Variants in CDKN2B-AS1 observed in about 807,000 individuals in gnomAD.
CDKN2B-AS1 encodes CDKN2B antisense RNA 1 (non-protein coding).
intron 1 of CDKN2B-AS1, among the ~76,000 whole-genome samples, chr9:22,014,221 G>T (rs555889032): frequency 6.6e-6 from 1 of 152,116 alleles, no homozygotes; most frequent in South Asian, 2.1e-4. Flanking sequence ...GGAGTGCAGT[G>T]GTGTGATCAT....
intron 1 of CDKN2B-AS1, among the ~76,000 whole-genome samples, chr9:22,021,537 C>G (rs537704760): frequency 1.6e-4 from 25 of 152,260 alleles, no homozygotes; most frequent in African/African-American, 5.8e-4. Flanking sequence ...TTTCACAATA[C>G]TGATTCTTCC....
intron 4 of CDKN2B-AS1, chr9:22,111,987 C>T (rs1336600847): frequency 6.6e-6 from 1 of 152,140 alleles, no homozygotes; most frequent in Non-Finnish European, 1.5e-5. Context: ...CACAAGTGTC[C>T]TGGAGAAACT....
In CDKN2B-AS1 at chr9:22,052,093, A is replaced by G. The variant is rs187921840; in HGVS notation, n.302+2865A>G. Among the ~76,000 whole-genome samples the G allele has an allele frequency of 5.3e-4, 80 of 152,218 alleles. 1 individual carries two copies. Among genetic ancestry groups the G allele is most frequent in the African/African-American group, 1.8e-3 (73 of 41,532 alleles). On this transcript the variant is annotated intron_variant and non_coding_transcript_variant, in intron 3 of 4. Coordinates refer to ENST00000650946, the Ensembl canonical transcript of CDKN2B-AS1. ...CATTCTCATTTCTGACTTCCCTACA[A>G]CCTTGTATTAAGACCTTAATTGAAA...
intron 1 of CDKN2B-AS1, among the ~76,000 whole-genome samples, chr9:22,024,889 C>T (rs1266219345): frequency 1.3e-5 from 2 of 152,024 alleles, no homozygotes; most frequent in Non-Finnish European, 2.9e-5. Flanking sequence ...TTCTGTGGGC[C>T]ACCACAGCAC....
chr9:22,014,759 C>A (rs7042051), intron 1 of CDKN2B-AS1, among the ~76,000 whole-genome samples: 8 of 114,016 alleles, frequency 7.0e-5, no homozygotes, highest in African/African-American at 2.2e-4. Context: ...TCCCTCCCCC[C>A]TCCCCCCACC....
At chr9:22,009,263 C>A (rs1821369549) in intron 1 of CDKN2B-AS1, 2 of 525,934 alleles carry the variant, frequency 3.8e-6, no homozygotes, top group Non-Finnish European at 6.8e-6. Flanking sequence ...AGGGTGCGGA[C>A]GCGTCGCGGA....
At chr9:22,015,475 A>G (rs190187112) in intron 1 of CDKN2B-AS1, among the ~76,000 whole-genome samples, 105 of 152,232 alleles carry the variant, frequency 6.9e-4, no homozygotes, top group African/African-American at 2.5e-3. Flanking sequence ...ACTTTTTAAT[A>G]TAAATTTAAA....
chr9:22,099,512 T>C (rs1342693357), intron 4 of CDKN2B-AS1, among the ~76,000 whole-genome samples: 1 of 152,200 alleles, frequency 6.6e-6, no homozygotes, highest in Non-Finnish European at 1.5e-5. Context: ...CTTTTTTAGC[T>C]GGTCATTTCT....
chr9:22,014,768 C>T (rs1342826879), intron 1 of CDKN2B-AS1, among the ~76,000 whole-genome samples: 1 of 115,812 alleles, frequency 8.6e-6, no homozygotes, highest in Non-Finnish European at 1.7e-5. Flanking sequence ...CCTCCCCCCA[C>T]CCCACAACAG....
At position 22,005,819 on chromosome 9, in the gene CDKN2B-AS1, T is replaced by C. The variant is rs1821143733; in HGVS notation, n.29+10658T>C. On this transcript the variant is annotated intron_variant and non_coding_transcript_variant, in intron 1 of 4. Transcript: ENST00000650946. This position sits in a 1 kb window ranked among gnomAD's most constrained non-coding sequence, Gnocchi z 4.9. ...CAGATAAGACAAAGAAAAAAATGTA[T>C]GGAAGGTTATTCCCGGTCGGCTCCT... is the stretch of plus-strand genomic sequence containing the variant. 1.2e-6 allele frequency: 1 copy of C among 825,646 alleles called. No homozygotes were observed. The highest frequency in any genetic ancestry group is 2.7e-5 in the East Asian group (1 of 37,444). 51.1% of individuals were successfully genotyped at this position (825,646 alleles called of 1,614,324 possible). A position where few individuals can be genotyped will look rare whatever the true frequency, so the allele number is the denominator to read the frequency against.
At chr9:22,076,619 C>A (rs1665371026) in intron 4 of CDKN2B-AS1, among the ~76,000 whole-genome samples, 2 of 152,180 alleles carry the variant, frequency 1.3e-5, no homozygotes, top group South Asian at 4.1e-4. Context: ...CCACTCCAAA[C>A]CCCTCATTGC....
intron 4 of CDKN2B-AS1, chr9:22,096,503 T>C (rs1356995341): frequency 6.6e-6 from 1 of 152,174 alleles, no homozygotes; most frequent in African/African-American, 2.4e-5. Context: ...CTCAAATCCA[T>C]GATCTACATA....
intron 1 of CDKN2B-AS1, chr9:22,032,648 TTCTC>T (rs1017990321): frequency 2.6e-5 from 4 of 151,866 alleles, no homozygotes; most frequent in African/African-American, 7.2e-5. Context: ...TACACTCATT[TTCTC>T]TCTCTCTCTT....
At chr9:22,106,071 T>TG (rs1388478394) in intron 4 of CDKN2B-AS1, among the ~76,000 whole-genome samples, 1 of 151,596 alleles carries the variant, frequency 6.6e-6, no homozygotes, top group African/African-American at 2.4e-5. Context: ...CCACCACATC[T>TG]GGATAATTTT....
At chr9:22,091,295 G>C (rs1397930734) in intron 4 of CDKN2B-AS1, among the ~76,000 whole-genome samples, 2 of 152,160 alleles carry the variant, frequency 1.3e-5, no homozygotes, top group African/African-American at 4.8e-5. Context: ...GCTTAGGATT[G>C]ACTTGGCAAT....
At chr9:22,071,704 A>T (rs1339136450) in intron 4 of CDKN2B-AS1, among the ~76,000 whole-genome samples, 1 of 152,166 alleles carries the variant, frequency 6.6e-6, no homozygotes, top group Non-Finnish European at 1.5e-5. Context: ...TGTGGATTTT[A>T]TATACTGCTA....
Position 22,006,276 on chromosome 9 carries a change from C to T in CDKN2B-AS1, n.29+11115C>T. 1 of 1,600,458 alleles carries T rather than the reference C, an allele frequency of 6.2e-7. No individual in the cohort carries two copies. Among genetic ancestry groups the T allele is most frequent in the Non-Finnish European group, 8.5e-7 (1 of 1,179,788 alleles). ...CCAGAGAGAGCAGAGTGGTCAGAGC[C>T]AGGGTGGGGGCAGGTATGGGAGATG... is the stretch of plus-strand genomic sequence containing the variant. On this transcript the variant is annotated intron_variant and non_coding_transcript_variant, in intron 1 of 4. Transcript: ENST00000650946. This position sits in a 1 kb window ranked among gnomAD's most constrained non-coding sequence, Gnocchi z 6.4.
At position 21,997,112 on chromosome 9, in the gene CDKN2B-AS1, C is replaced by G. The variant is rs919225281; in HGVS notation, n.29+1951C>G. On this transcript the variant is annotated intron_variant and non_coding_transcript_variant, in intron 1 of 4. Transcript: ENST00000650946. The surrounding 1 kb of genome is among the most constrained non-coding windows in gnomAD (Gnocchi z 4.8). ...TGTTGTGCAAACATCATATACAAAC[C>G]TAGGTGGTATAGTCTATTATACATC... Among the ~76,000 whole-genome samples, 3 of 152,126 alleles carry G rather than the reference C, an allele frequency of 2.0e-5. No individual in the cohort carries two copies. The highest frequency in any genetic ancestry group is 7.2e-5 in the African/African-American group (3 of 41,426).
chr9:22,008,662 G>A (rs1821316481), intron 1 of CDKN2B-AS1: 7 of 1,605,050 alleles, frequency 4.4e-6, no homozygotes, highest in African/African-American at 2.7e-5. Flanking sequence ...TGTTTTACGC[G>A]TGGAATGCAC....
Sources: gnomAD v4.1 joint callset for allele counts (sites outside exome capture counted in the v4.1 genomes callset) on GRCh38, gnomAD v4.1.1 for gene constraint, Gnocchi (gnomAD v3.1) non-coding constraint, MANE v1.5 for transcripts, NCBI Gene and HGNC (gene_info 2026-07-23, HGNC 2026-07-21) for gene names.